Variants in CAPS2 observed in about 807,000 individuals in gnomAD.
The protein encoded by CAPS2 is calcyphosin-2.
CAPS2 carries 98 observed loss-of-function variants against 86.5 expected under a neutral mutation model. The observed-to-expected ratio is 1.13, with a 90% CI of 0.96 to 1.34. The LOEUF (loss-of-function observed/expected upper bound fraction) is 1.34, where lower values mean the gene tolerates loss of function less well. CAPS2 is among the 40% of genes most tolerant of loss of function. The pLI is 0.00. For missense variants in CAPS2, 729 were observed against 686.8 expected, an observed-to-expected ratio of 1.06 and a Z score of -0.69; for synonymous variants, 210 against 225.1, an observed-to-expected ratio of 0.93 and a Z score of 0.60.
rs541026161 is a variant in CAPS2, at chr12:75,345,401, G to A, written c.-394-22179C>T. Among the ~76,000 whole-genome samples the A allele has an allele frequency of 3.9e-5, 6 of 152,016 alleles. No homozygotes were observed. The East Asian group carries it at 1.2e-3, about 29-fold the overall frequency. ...AGTGTGTCTAAAATTCACCTTTTGGGCCATACTTTAATCCTAGACATGGTA... is the reference window on the plus strand; with the variant it reads ...AGTGTGTCTAAAATTCACCTTTTGGACCATACTTTAATCCTAGACATGGTA... On this transcript the variant is annotated intron_variant, in intron 1 of 5. Transcript: ENST00000551829.
intron 1 of CAPS2, chr12:75,369,809 G>A (rs533998934): frequency 6.9e-5 from 89 of 1,287,744 alleles, no homozygotes; most frequent in Middle Eastern, 6.0e-4. Context: ...TTTAAGTACT[G>A]TAGGATTGAG....
At chr12:75,330,788 CTTT>C (rs112092989), upstream of CAPS2, among the ~76,000 whole-genome samples, 1 of 141,090 alleles carries the variant, frequency 7.1e-6, no homozygotes. Context: ...TATTCTTTGC[CTTT>C]TTTTTTTTTT....
intron 1 of CAPS2, among the ~76,000 whole-genome samples, chr12:75,339,354 T>C (rs2041949210): frequency 6.6e-6 from 1 of 152,226 alleles, no homozygotes; most frequent in Non-Finnish European, 1.5e-5. Context: ...TGCTAACTGA[T>C]GTTGAGCTTT....
At chr12:75,323,773 A>T (rs1363710403) in intron 2 of CAPS2, among the ~76,000 whole-genome samples, 1 of 152,194 alleles carries the variant, frequency 6.6e-6, no homozygotes, top group African/African-American at 2.4e-5. Context: ...ATAAATACTC[A>T]AAATTCATCA....
At chr12:75,390,254 C>A in intron 1 of CAPS2, 2 of 453,646 alleles carry the variant, frequency 4.4e-6, no homozygotes, top group South Asian at 1.6e-5. Context: ...CAGATCAGAC[C>A]AAAATCAGCT....
chr12:75,283,293 G>C (rs1430754261), intron 15 of CAPS2, among the ~76,000 whole-genome samples: 2 of 152,080 alleles, frequency 1.3e-5, no homozygotes, highest in African/African-American at 4.8e-5. Flanking sequence ...ATTCGTAGTG[G>C]GGTCAAAACT....
intron 16 of CAPS2, among the ~76,000 whole-genome samples, chr12:75,279,526 T>C (rs1297283929): frequency 6.6e-6 from 1 of 151,966 alleles, no homozygotes; most frequent in African/African-American, 2.4e-5. Flanking sequence ...AAACCATTTG[T>C]CTAATGGGGT....
chr12:75,304,690 A>G, intron 8 of CAPS2, 67 bp downstream of exon 8: 2 of 1,194,334 alleles, frequency 1.7e-6, no homozygotes, highest in Non-Finnish European at 2.3e-6. Context: ...CTAGACACAG[A>G]AGTACATTTT....
At position 75,300,416 on chromosome 12, in the gene CAPS2, C is replaced by T. The variant is rs566757728; in HGVS notation, c.780-505G>A. ...TAAAAATTACAAAAAATTAGCCGGG[C>T]GTGGTGGTGGGCGCCCGTAGTCTCA... On this transcript the variant is annotated intron_variant, in intron 8 of 16. Transcript: ENST00000393284. 7.2e-5 allele frequency among the ~76,000 whole-genome samples: 11 copies of T among 151,780 alleles called. No individual in the cohort carries two copies. The South Asian group carries it at 1.9e-3, about 26-fold the overall frequency.
At chr12:75,343,862 C>A (rs180934864) in intron 1 of CAPS2, 5 of 1,611,538 alleles carry the variant, frequency 3.1e-6, no homozygotes, top group East Asian at 2.2e-5. Flanking sequence ...CATGCCATTA[C>A]GGCTTGGTAT....
intron 1 of CAPS2, chr12:75,369,509 G>T: frequency 2.0e-6 from 2 of 978,260 alleles, no homozygotes; most frequent in Non-Finnish European, 2.4e-6. Flanking sequence ...GATGCTATTA[G>T]AATGGTAAAC....
upstream of CAPS2, among the ~76,000 whole-genome samples, chr12:75,327,389 G>A (rs1399494492): frequency 6.6e-6 from 1 of 151,732 alleles, no homozygotes; most frequent in African/African-American, 2.4e-5. Flanking sequence ...GCTAACAAAA[G>A]GATATTGAAA....
downstream of CAPS2, chr12:75,276,654 T>A (rs927865828): frequency 1.2e-6 from 1 of 839,926 alleles, no homozygotes; most frequent in African/African-American, 1.8e-5. Context: ...AATAAAATGT[T>A]TTTCCTTAAA....
chr12:75,321,060 CAACT>C (rs1289042218), intron 5 of CAPS2, among the ~76,000 whole-genome samples: 2 of 151,996 alleles, frequency 1.3e-5, no homozygotes, highest in African/African-American at 2.4e-5. Context: ...ACTGTCAGAC[CAACT>C]GAGTTCAAGA....
At chr12:75,279,126 T>C (rs770704791) in intron 16 of CAPS2, 61 bp from the exon 17 acceptor site, 2 of 1,360,714 alleles carry the variant, frequency 1.5e-6, no homozygotes, top group East Asian at 2.5e-5. Flanking sequence ...TGACTGATGA[T>C]GATAAAGGAA....
At chr12:75,304,966 A>G in intron 7 of CAPS2, 90 bp from the exon 8 acceptor site, 1 of 1,101,596 alleles carries the variant, frequency 9.1e-7, no homozygotes, top group Non-Finnish European at 1.3e-6. Flanking sequence ...AAAAGCTCAT[A>G]TACCAAATGC....
At chr12:75,311,700 GAAAAAAAAAAACAAAAAAAAAAACAAA>G (rs1398040818) in intron 7 of CAPS2, among the ~76,000 whole-genome samples, 16 of 6,716 alleles carry the variant, frequency 2.4e-3, no homozygotes, top group African/African-American at 6.4e-3. Flanking sequence ...AGCCATGCAG[GAAAAAAAAAAACAAAAAAAAAAACAAA>G]AAAAAAAAAA....
chr12:75,279,158 A>T (rs1593158608), intron 16 of CAPS2, 93 bp from the exon 17 acceptor site: 1 of 1,133,188 alleles, frequency 8.8e-7, no homozygotes. Context: ...CTTATGAAAT[A>T]CTTTCAACAA....
chr12:75,334,656 G>C (rs968067186), upstream of CAPS2: 1 of 1,556,124 alleles, frequency 6.4e-7, no homozygotes, highest in South Asian at 1.2e-5. Context: ...GCGGGGGCGT[G>C]GGGAAATCGG....
Sources: gnomAD v4.1 joint callset for allele counts (sites outside exome capture counted in the v4.1 genomes callset) on GRCh38, gnomAD v4.1.1 for gene constraint, MANE v1.5 for transcripts, NCBI Gene and HGNC (gene_info 2026-07-23, HGNC 2026-07-21) for gene names.